The following BNC2 variants were observed in gnomAD, a reference collection of about 807,000 sequenced individuals.
BNC2 encodes zinc finger protein basonuclin-2.
Under a neutral mutation model 76.3 loss-of-function variants are expected in BNC2, and 20 were observed. The observed-to-expected ratio is 0.26, with a 90% CI of 0.18 to 0.38. BNC2 has a LOEUF of 0.38. Ranked by LOEUF, BNC2 falls within the 10% of genes least tolerant of loss-of-function variation. The pLI is 1.00. For missense variants in BNC2, 1,382 were observed against 1,399.8 expected (o/e 0.99, Z 0.20); for synonymous variants, 582 against 514.8 (o/e 1.13, Z -1.77).
In BNC2 at chr9:16,868,832, C is replaced by G. The variant is rs560510789; in HGVS notation, c.3+1814G>C. Among the ~76,000 whole-genome samples, 43 of 152,236 alleles carry G rather than the reference C, an allele frequency of 2.8e-4. 1 individual carries two copies. In the South Asian group the frequency reaches 4.1e-3, roughly 15 times the overall value. On this transcript the variant is annotated intron_variant, in intron 1 of 6. Transcript: ENST00000380672. ...TGTGTTTGTCCAAAAAGTAAATGTT[C>G]TGTTAACTTGTACAAGGTCTCACTA...
chr9:16,484,893 G>A lies in BNC2; in HGVS notation c.670-47369C>T, dbSNP rs554997942. Among the ~76,000 whole-genome samples, 14 of 152,282 alleles carry A rather than the reference G, an allele frequency of 9.2e-5. No individual in the cohort carries two copies. In the East Asian group the frequency reaches 2.7e-3, roughly 29 times the overall value. On this transcript the variant is annotated intron_variant, in intron 5 of 6. Transcript: ENST00000380672. ...CAAGTGATGGGGGAGATTACTAATA[G>A]GCATTGTTTTACACATCCATATGTG... is the stretch of plus-strand genomic sequence containing the variant.
chr9:16,834,812 T>G (rs1199088609), intron 1 of BNC2, among the ~76,000 whole-genome samples: 1 of 152,158 alleles, frequency 6.6e-6, no homozygotes, highest in Non-Finnish European at 1.5e-5. Flanking sequence ...GATTAAGAGA[T>G]AGTGCAGTAT....
chr9:16,819,584 G>C (rs966668710), intron 1 of BNC2, among the ~76,000 whole-genome samples: 7 of 152,068 alleles, frequency 4.6e-5, no homozygotes, highest in African/African-American at 1.7e-4. Context: ...TTCAACCCAG[G>C]AGGTGGAGGT....
intron 3 of BNC2, among the ~76,000 whole-genome samples, chr9:16,650,203 ACTGT>A (rs1821754479): frequency 6.6e-6 from 1 of 152,230 alleles, no homozygotes; most frequent in Non-Finnish European, 1.5e-5. Context: ...AACAATATTG[ACTGT>A]CTGCAGGTAT....
chr9:16,468,064 C>G (rs1258566558), intron 5 of BNC2, among the ~76,000 whole-genome samples: 1 of 130,064 alleles, frequency 7.7e-6, no homozygotes, highest in Admixed American at 8.2e-5. Flanking sequence ...TTTTTTGAGA[C>G]AGGTTCTCAC....
At chr9:16,523,690 C>T (rs1007914146) in intron 5 of BNC2, among the ~76,000 whole-genome samples, 10 of 152,130 alleles carry the variant, frequency 6.6e-5, no homozygotes, top group East Asian at 3.9e-4. Flanking sequence ...CACCAGAGGC[C>T]GAGGCGGGCG....
chr9:16,727,757 A>T (rs1193331765), intron 3 of BNC2, 40 bp downstream of exon 3: 14 of 1,545,346 alleles, frequency 9.1e-6, no homozygotes, highest in African/African-American at 2.8e-5. Flanking sequence ...AAGGTTTCTT[A>T]AAAAAAAGAA....
intron 5 of BNC2, among the ~76,000 whole-genome samples, chr9:16,507,175 C>T (rs1200313285): frequency 6.6e-6 from 1 of 151,650 alleles, no homozygotes; most frequent in East Asian, 1.9e-4. Flanking sequence ...TTCTACCAAA[C>T]AGTGCAGTTA....
At chr9:16,481,531 C>G (rs1448594342) in intron 5 of BNC2, among the ~76,000 whole-genome samples, 1 of 152,118 alleles carries the variant, frequency 6.6e-6, no homozygotes. Context: ...CCAGACACGC[C>G]ACCTTAAGAG....
At chr9:16,841,159 G>A (rs1818816384) in intron 1 of BNC2, among the ~76,000 whole-genome samples, 1 of 152,178 alleles carries the variant, frequency 6.6e-6, no homozygotes, top group African/African-American at 2.4e-5. Context: ...AAATCTGAAA[G>A]ATATCCACCG....
intron 3 of BNC2, among the ~76,000 whole-genome samples, chr9:16,693,918 G>A (rs1299880005): frequency 1.3e-5 from 2 of 152,180 alleles, no homozygotes; most frequent in African/African-American, 2.4e-5. Flanking sequence ...CTTGAACTCA[G>A]CCATTGGGTT....
At chr9:16,578,336 A>G (rs1209987924) in intron 4 of BNC2, among the ~76,000 whole-genome samples, 1 of 152,184 alleles carries the variant, frequency 6.6e-6, no homozygotes, top group Non-Finnish European at 1.5e-5. Flanking sequence ...GTCCTCATCT[A>G]AACTATGGAC....
chr9:16,468,483 C>A lies in BNC2; in HGVS notation c.670-30959G>T, dbSNP rs182174571. Among the ~76,000 whole-genome samples the A allele has an allele frequency of 4.9e-4, 75 of 152,090 alleles. 2 individuals are homozygous for A. In the East Asian group the frequency reaches 0.014, roughly 27 times the overall value. ...TGATCTCGGCTCACTGCAACCTCTG[C>A]CTCCCAGGTTCAAGCAACTCTCCCG... On this transcript the variant is annotated intron_variant, in intron 5 of 6. Coordinates refer to ENST00000380672, the MANE Select transcript of BNC2 (RefSeq NM_017637.6).
At chr9:16,637,473 G>C (rs1006799598) in intron 3 of BNC2, among the ~76,000 whole-genome samples, 1 of 152,174 alleles carries the variant, frequency 6.6e-6, no homozygotes, top group African/African-American at 2.4e-5. Context: ...ACCTGTCTGT[G>C]TCAAGTAGAT....
At chr9:16,693,936 C>T (rs906235060) in intron 3 of BNC2, among the ~76,000 whole-genome samples, 1 of 152,212 alleles carries the variant, frequency 6.6e-6, no homozygotes, top group Non-Finnish European at 1.5e-5. Flanking sequence ...GTTTGCTCCA[C>T]TCAGCTTCTC....
intron 1 of BNC2, among the ~76,000 whole-genome samples, chr9:16,778,087 AATTTT>A (rs1165667918): frequency 6.6e-6 from 1 of 152,202 alleles, no homozygotes; most frequent in Admixed American, 6.5e-5. Flanking sequence ...ATGGCAAATG[AATTTT>A]ATTTTCTCCT....
Position 16,432,022 on chromosome 9 carries a change from C to T in BNC2, c.2639+3533G>A, listed in dbSNP as rs75357951. On this transcript the variant is annotated intron_variant, in intron 6 of 6. Transcript: ENST00000380672. ...GGGGTTGGGGACCCCTGCTTTAGAG[C>T]ATCAGAGTTCTTTACAGAGAAAATT... 2.0e-4 allele frequency among the ~76,000 whole-genome samples: 30 copies of T among 152,298 alleles called. No homozygotes were observed. The East Asian group carries it at 5.8e-3, about 29-fold the overall frequency.
intron 3 of BNC2, among the ~76,000 whole-genome samples, chr9:16,645,947 T>A: frequency 6.6e-6 from 1 of 152,094 alleles, no homozygotes. Flanking sequence ...GCAGGATACA[T>A]TATCGAAAAT....
At chr9:16,590,559 A>C (rs1819897196) in intron 3 of BNC2, among the ~76,000 whole-genome samples, 1 of 151,776 alleles carries the variant, frequency 6.6e-6, no homozygotes, top group Non-Finnish European at 1.5e-5. Context: ...TCATGCCTGT[A>C]ATCTCAGCAA....
Sources: allele counts gnomAD v4.1 joint callset (sites outside exome capture counted in the v4.1 genomes callset), GRCh38; gene constraint gnomAD v4.1.1; transcripts MANE v1.5; gene names NCBI Gene and HGNC (gene_info 2026-07-23, HGNC 2026-07-21).